GGACT: variants seen among roughly 807,000 people sequenced by gnomAD.
The protein encoded by GGACT is gamma-glutamylaminecyclotransferase.
For missense variants in GGACT, 241 were observed against 233.2 expected, an observed-to-expected ratio of 1.03 and a Z score of -0.22; for synonymous variants, 118 against 115.3, an observed-to-expected ratio of 1.02 and a Z score of -0.15.
chr13:100,582,473 C>T (rs1875448914), intron 2 of GGACT, among the ~76,000 whole-genome samples: 1 of 152,212 alleles, frequency 6.6e-6, no homozygotes, highest in South Asian at 2.1e-4. Context: ...AGGGACTTCA[C>T]AGATGTGAGG....
chr13:100,583,017 T>C (rs541085450), intron 2 of GGACT, among the ~76,000 whole-genome samples: 1 of 152,330 alleles, frequency 6.6e-6, no homozygotes, highest in African/African-American at 2.4e-5. Context: ...AACTGTGTTA[T>C]GGAAAGTAAA....
At chr13:100,550,924 T>G in intron 2 of GGACT, among the ~76,000 whole-genome samples, 1 of 152,218 alleles carries the variant, frequency 6.6e-6, no homozygotes, top group Non-Finnish European at 1.5e-5. Context: ...TGTGAGGCAT[T>G]TAACTTTTTT....
chr13:100,544,708 C>G (rs750846529), intron 2 of GGACT, among the ~76,000 whole-genome samples: 10 of 152,234 alleles, frequency 6.6e-5, no homozygotes, highest in Non-Finnish European at 7.3e-5. Context: ...AGTTTTTACT[C>G]TTTGGCCATG....
At chr13:100,585,245 A>G (rs1875532602) in intron 1 of GGACT, among the ~76,000 whole-genome samples, 1 of 152,232 alleles carries the variant, frequency 6.6e-6, no homozygotes, top group East Asian at 1.9e-4. Context: ...TCGGCAAACC[A>G]CAGCCTGCGG....
intron 1 of GGACT, among the ~76,000 whole-genome samples, chr13:100,585,822 CAAAAAAAAAA>C (rs550006144): frequency 8.3e-3 from 245 of 29,540 alleles, no homozygotes; most frequent in South Asian, 0.017. Flanking sequence ...CTGTCTCCAC[CAAAAAAAAAA>C]AAAAAAAAAA....
At chr13:100,554,278 T>C (rs1383770946) in intron 2 of GGACT, among the ~76,000 whole-genome samples, 2 of 152,216 alleles carry the variant, frequency 1.3e-5, no homozygotes, top group African/African-American at 4.8e-5. Flanking sequence ...AGTCATCATT[T>C]AGTCCTCTCA....
intron 2 of GGACT, among the ~76,000 whole-genome samples, chr13:100,566,556 C>T (rs1432069119): frequency 5.3e-5 from 8 of 152,236 alleles, no homozygotes; most frequent in African/African-American, 7.2e-5. Flanking sequence ...CCTGGCCTTG[C>T]GGCTGCCGAG....
chr13:100,558,345 A>C (rs765708359), intron 2 of GGACT, among the ~76,000 whole-genome samples: 3 of 152,188 alleles, frequency 2.0e-5, no homozygotes, highest in Admixed American at 1.3e-4. Context: ...CAAAATGTGC[A>C]AAAGATTTAA....
At chr13:100,540,891 G>A (rs1396609585) in intron 2 of GGACT, among the ~76,000 whole-genome samples, 1 of 152,214 alleles carries the variant, frequency 6.6e-6, no homozygotes, top group East Asian at 1.9e-4. Context: ...CAGGCCCCTG[G>A]GCCGGGCTGG....
At chr13:100,535,681 C>T (rs1052219995) in intron 2 of GGACT, 7 of 152,216 alleles carry the variant, frequency 4.6e-5, no homozygotes, top group Non-Finnish European at 7.3e-5. Context: ...AGATCTATTT[C>T]GGCATTAGAA....
In GGACT at chr13:100,545,437, G is replaced by A. The variant is rs1324365669; in HGVS notation, c.-10-12836C>T. 6.6e-6 allele frequency among the ~76,000 whole-genome samples: 1 copy of A among 152,112 alleles called. No homozygotes were observed. Among genetic ancestry groups the A allele is most frequent in the Non-Finnish European group, 1.5e-5 (1 of 68,006 alleles). ...TCCACGTCCCAGGGCCCCTGGAGGAGGGCACCCCCTCACTGCCCCCAAGCA... is the reference window on the plus strand; with the variant it reads ...TCCACGTCCCAGGGCCCCTGGAGGAAGGCACCCCCTCACTGCCCCCAAGCA... On this transcript the variant is annotated intron_variant, in intron 2 of 2. Coordinates refer to ENST00000683975, the MANE Select transcript of GGACT (RefSeq NM_001195087.2). This position sits in a 1 kb window ranked among gnomAD's most constrained non-coding sequence, Gnocchi z 4.4.
chr13:100,563,170 G>A (rs930689910), intron 2 of GGACT, among the ~76,000 whole-genome samples: 4 of 152,182 alleles, frequency 2.6e-5, no homozygotes, highest in African/African-American at 9.7e-5. Flanking sequence ...ACTGATGGAT[G>A]CTGCCCCACG....
chr13:100,576,961 A>G (rs151242760), intron 2 of GGACT, among the ~76,000 whole-genome samples: 57 of 152,336 alleles, frequency 3.7e-4, no homozygotes, highest in African/African-American at 1.4e-3. Flanking sequence ...CAACTACTCT[A>G]AAACAGTTTA....
intron 2 of GGACT, among the ~76,000 whole-genome samples, chr13:100,570,613 G>A (rs1230556637): frequency 2.0e-5 from 3 of 152,116 alleles, no homozygotes; most frequent in Non-Finnish European, 4.4e-5. Flanking sequence ...ATGAATCTCT[G>A]GAAGCAGTCT....
Position 100,530,777 on chromosome 13 carries a change from C to T in GGACT, c.*1353G>A, listed in dbSNP as rs1437335141. ...GTCACCCTGAAGCTTCCTGGTTGGC[C>T]GGGGGTGCTGTCTCCACTGTTTTTG... On this transcript the variant is annotated 3_prime_UTR_variant, in exon 3 of 3. Transcript: ENST00000683975. The T allele has an allele frequency of 1.8e-5, 3 of 168,290 alleles. No individual in the cohort carries two copies. The highest frequency in any genetic ancestry group is 7.2e-5 in the African/African-American group (3 of 41,520). The allele number at this position is 168,290 out of a possible 1,614,324, so 10.4% of individuals were successfully genotyped here. A position where few individuals can be genotyped will look rare whatever the true frequency, so the allele number is the denominator to read the frequency against.
intron 2 of GGACT, among the ~76,000 whole-genome samples, chr13:100,573,684 G>A (rs1041747822): frequency 5.3e-5 from 8 of 151,854 alleles, no homozygotes; most frequent in African/African-American, 1.9e-4. Flanking sequence ...AAAACTACTC[G>A]AACACAGGAT....
chr13:100,578,176 C>T (rs1875309233), intron 2 of GGACT, among the ~76,000 whole-genome samples: 2 of 152,224 alleles, frequency 1.3e-5, no homozygotes, highest in East Asian at 1.9e-4. Flanking sequence ...TTTCCTCCCA[C>T]GGTAGTGGCT....
intron 2 of GGACT, among the ~76,000 whole-genome samples, chr13:100,561,880 T>TA (rs973111302): frequency 1.3e-4 from 20 of 152,264 alleles, no homozygotes; most frequent in African/African-American, 4.8e-4. Context: ...CCTGGGAGTA[T>TA]ACAAGTGCCC....
intron 2 of GGACT, among the ~76,000 whole-genome samples, chr13:100,574,036 A>C (rs908676044): frequency 1.3e-5 from 2 of 152,238 alleles, no homozygotes; most frequent in Non-Finnish European, 2.9e-5. Context: ...ATTACTGGGT[A>C]CACATCCAAA....
Sources: allele counts gnomAD v4.1 joint callset (sites outside exome capture counted in the v4.1 genomes callset), GRCh38; gene constraint gnomAD v4.1.1; non-coding constraint Gnocchi (gnomAD v3.1); transcripts MANE v1.5; gene names NCBI Gene and HGNC (gene_info 2026-07-23, HGNC 2026-07-21).